The following CCDC83 variants were observed in gnomAD, a reference collection of about 807,000 sequenced individuals.
CCDC83 encodes coiled-coil domain containing 83, also known as coiled-coil domain-containing protein 83.
CCDC83 carries 54 observed loss-of-function variants against 50.1 expected under a neutral mutation model. The ratio of observed to expected loss-of-function variants is 1.08; its 90% CI spans 0.87 to 1.35. CCDC83 has a LOEUF of 1.35. CCDC83 is among the 40% of genes most tolerant of loss of function. CCDC83 has a pLI of 0.00. For missense variants in CCDC83, 518 were observed against 473.9 expected, an observed-to-expected ratio of 1.09 and a Z score of -0.86; for synonymous variants, 161 against 153.3, an observed-to-expected ratio of 1.05 and a Z score of -0.37.
intron 2 of CCDC83, among the ~76,000 whole-genome samples, chr11:85,871,770 T>G (rs2093239034): frequency 6.6e-6 from 1 of 152,176 alleles, no homozygotes; most frequent in Admixed American, 6.5e-5. Flanking sequence ...AGTTTCTCAT[T>G]CTTTAACTAC....
At chr11:85,868,255 G>A (rs2093218699) in intron 2 of CCDC83, among the ~76,000 whole-genome samples, 1 of 152,068 alleles carries the variant, frequency 6.6e-6, no homozygotes, top group Admixed American at 6.6e-5. Context: ...TACTTGTCTT[G>A]CCCCCCGTTT....
intron 6 of CCDC83, among the ~76,000 whole-genome samples, chr11:85,895,909 G>A (rs2093372473): frequency 6.6e-6 from 1 of 152,116 alleles, no homozygotes; most frequent in Non-Finnish European, 1.5e-5. Context: ...CACCTTTTGG[G>A]CTCAAGCAAT....
chr11:85,878,694 C>T (rs1242039872), intron 3 of CCDC83, among the ~76,000 whole-genome samples: 2 of 152,104 alleles, frequency 1.3e-5, no homozygotes, highest in Non-Finnish European at 2.9e-5. Flanking sequence ...GAATAAATGC[C>T]CAGGAGTTCA....
intron 10 of CCDC83, among the ~76,000 whole-genome samples, chr11:85,917,322 A>G (rs956021597): frequency 2.6e-5 from 4 of 152,112 alleles, no homozygotes; most frequent in Non-Finnish European, 1.5e-5. Context: ...GCAGTTTTAT[A>G]TGGCTTAGCC....
chr11:85,895,300 T>TA lies in CCDC83; in HGVS notation c.523dup (p.Ile175AsnfsTer7). On this transcript the variant is annotated frameshift_variant, in exon 6 of 11. Transcript: ENST00000342404. LOFTEE classifies it high-confidence loss of function. ...TTTTTTTTTTTTTTAAAGAACACTA[T>TA]AAAATCACTCTGGAAGATACTAGAA... 1 of 591,722 alleles carries TA rather than the reference T, an allele frequency of 1.7e-6. No individual in the cohort carries two copies. 36.7% of individuals were successfully genotyped at this position (591,722 alleles called of 1,614,324 possible). A position where few individuals can be genotyped will look rare whatever the true frequency, so the allele number is the denominator to read the frequency against.
intron 1 of CCDC83, among the ~76,000 whole-genome samples, chr11:85,859,968 A>G (rs961630792): frequency 6.6e-6 from 1 of 152,282 alleles, no homozygotes; most frequent in African/African-American, 2.4e-5. Flanking sequence ...TTCAGCAAAC[A>G]AAAAGCAAAT....
chr11:85,863,789 G>GAA (rs2093191451), intron 1 of CCDC83, among the ~76,000 whole-genome samples: 2 of 152,198 alleles, frequency 1.3e-5, no homozygotes, highest in South Asian at 4.1e-4. Context: ...CGTACTTGCA[G>GAA]AAGGCAGCCA....
intron 9 of CCDC83, 86 bp from the exon 10 acceptor site, chr11:85,915,942 T>G: frequency 3.3e-6 from 3 of 913,810 alleles, no homozygotes; most frequent in South Asian, 1.5e-5. Context: ...TTCCATCCAA[T>G]TAAAAATGTG....
intron 2 of CCDC83, among the ~76,000 whole-genome samples, chr11:85,870,332 T>C (rs2093229893): frequency 6.6e-6 from 1 of 152,198 alleles, no homozygotes; most frequent in South Asian, 2.1e-4. Flanking sequence ...GTTTAACCAA[T>C]GAAGACCACA....
At chr11:85,855,187 G>C (rs1298540644), upstream of CCDC83, 1 of 152,334 alleles carries the variant, frequency 6.6e-6, no homozygotes, top group Non-Finnish European at 1.5e-5. Flanking sequence ...GCCCAGGGCC[G>C]GGTATCCGCC....
chr11:85,867,686 G>A (rs1017188364), intron 2 of CCDC83, among the ~76,000 whole-genome samples: 3 of 152,218 alleles, frequency 2.0e-5, no homozygotes, highest in African/African-American at 7.2e-5. Flanking sequence ...CTCCCATGGT[G>A]TAACTGGTGA....
At chr11:85,912,266 C>T (rs1263888198) in intron 8 of CCDC83, among the ~76,000 whole-genome samples, 1 of 152,108 alleles carries the variant, frequency 6.6e-6, no homozygotes, top group Non-Finnish European at 1.5e-5. Context: ...ACATGGAAGA[C>T]TACTATTTGA....
intron 1 of CCDC83, among the ~76,000 whole-genome samples, chr11:85,855,851 G>T (rs1342234456): frequency 6.6e-6 from 1 of 152,122 alleles, no homozygotes; most frequent in Non-Finnish European, 1.5e-5. Context: ...ACCAAATTCT[G>T]AGTCTAGTGA....
chr11:85,873,642 T>G (rs1459135092), intron 3 of CCDC83, among the ~76,000 whole-genome samples: 1 of 152,032 alleles, frequency 6.6e-6, no homozygotes, highest in African/African-American at 2.4e-5. Flanking sequence ...TTAAATCTCT[T>G]TGTCTTTTTT....
chr11:85,888,298 CAG>C (rs1208651539), intron 5 of CCDC83, among the ~76,000 whole-genome samples: 1 of 152,176 alleles, frequency 6.6e-6, no homozygotes, highest in South Asian at 2.1e-4. Flanking sequence ...TCTTCAGCAA[CAG>C]GGGGTGGTAT....
intron 5 of CCDC83, among the ~76,000 whole-genome samples, chr11:85,895,003 C>G (rs533346643): frequency 6.6e-6 from 1 of 152,290 alleles, no homozygotes; most frequent in South Asian, 2.1e-4. Context: ...TCACCTGAGC[C>G]TAACTTATAA....
intron 1 of CCDC83, among the ~76,000 whole-genome samples, chr11:85,860,452 C>T (rs1566066373): frequency 6.6e-6 from 1 of 152,014 alleles, no homozygotes; most frequent in Non-Finnish European, 1.5e-5. Flanking sequence ...GATACTATCA[C>T]ACAGGAATCA....
chr11:85,882,398 G>T (rs2093305181), intron 3 of CCDC83, 115 bp from the exon 4 acceptor site: 3 of 908,974 alleles, frequency 3.3e-6, no homozygotes, highest in Non-Finnish European at 5.1e-6. Flanking sequence ...AGAAGTCCAG[G>T]CTTCCCACTT....
At chr11:85,917,454 A>G (rs2093487706) in intron 10 of CCDC83, among the ~76,000 whole-genome samples, 1 of 152,202 alleles carries the variant, frequency 6.6e-6, no homozygotes, top group African/African-American at 2.4e-5. Context: ...ATCACATTGT[A>G]AGAGAAGCAC....
Sources: gnomAD v4.1 joint callset for allele counts (sites outside exome capture counted in the v4.1 genomes callset) on GRCh38, gnomAD v4.1.1 for gene constraint, MANE v1.5 for transcripts, NCBI Gene and HGNC (gene_info 2026-07-23, HGNC 2026-07-21) for gene names.